Variants in MTUS1 observed in about 807,000 individuals in gnomAD.
MTUS1 encodes the protein microtubule-associated tumor suppressor 1.
Under a neutral mutation model 120.8 loss-of-function variants are expected in MTUS1, and 109 were observed. That is an observed-to-expected ratio of 0.90 (90% confidence interval 0.77 to 1.06). The LOEUF (loss-of-function observed/expected upper bound fraction) is 1.06, where lower values mean the gene tolerates loss of function less well. MTUS1 is among the 50% of genes least tolerant of loss of function. The probability of loss-of-function intolerance (pLI) is 0.00; values close to 1 mark genes in which losing one functional copy is unlikely to be tolerated. For synonymous variants in MTUS1, 737 were observed against 550.5 expected (o/e 1.34, Z -4.74); for missense variants, 2,210 against 1,486.3 (o/e 1.49, Z -8.01).
intron 6 of MTUS1, among the ~76,000 whole-genome samples, chr8:17,700,382 A>G (rs1818810204): frequency 7.0e-6 from 1 of 143,538 alleles, no homozygotes; most frequent in South Asian, 2.2e-4. Context: ...AGGCAGGAGA[A>G]CCGCTTGAAT....
At chr8:17,670,425 G>A (rs1351038702) in intron 8 of MTUS1, among the ~76,000 whole-genome samples, 1 of 152,146 alleles carries the variant, frequency 6.6e-6, no homozygotes, top group Admixed American at 6.5e-5. Flanking sequence ...GTGAACGTAT[G>A]GGACAGCCAC....
chr8:17,693,151 T>C (rs1025270262), intron 6 of MTUS1: 1 of 152,152 alleles, frequency 6.6e-6, no homozygotes, highest in African/African-American at 2.4e-5. Flanking sequence ...TAGCAAAGTC[T>C]TTTCCCTCCA....
At chr8:17,770,947 A>C (rs2049978513) in intron 1 of MTUS1, among the ~76,000 whole-genome samples, 1 of 152,202 alleles carries the variant, frequency 6.6e-6, no homozygotes, top group Non-Finnish European at 1.5e-5. Flanking sequence ...CTGCTTCTGG[A>C]TTAAAGAAAC....
chr8:17,703,381 C>T (rs572630874), intron 6 of MTUS1, among the ~76,000 whole-genome samples: 4 of 152,178 alleles, frequency 2.6e-5, no homozygotes, highest in South Asian at 2.1e-4. Context: ...CGCCTGTGAT[C>T]GCAGCACTTT....
At chr8:17,666,326 T>C (rs1160025176) in intron 8 of MTUS1, among the ~76,000 whole-genome samples, 2 of 151,936 alleles carry the variant, frequency 1.3e-5, no homozygotes, top group Non-Finnish European at 2.9e-5. Context: ...CTATTCATTC[T>C]GCCTCTTCTC....
chr8:17,655,141 G>T (rs1249820674), intron 9 of MTUS1: 1 of 157,788 alleles, frequency 6.3e-6, no homozygotes, highest in African/African-American at 2.4e-5. Context: ...TGACCACTCA[G>T]GCCCTAGCAT....
chr8:17,686,296 T>C (rs1227455202), intron 6 of MTUS1, among the ~76,000 whole-genome samples: 2 of 152,376 alleles, frequency 1.3e-5, no homozygotes, highest in East Asian at 3.8e-4. Flanking sequence ...TGATGTAATA[T>C]ATGACATACA....
At chr8:17,758,614 G>A (rs77676509) in intron 1 of MTUS1, among the ~76,000 whole-genome samples, 1 of 152,080 alleles carries the variant, frequency 6.6e-6, no homozygotes, top group Non-Finnish European at 1.5e-5. Context: ...TACATGCAGG[G>A]GATATAATTT....
chr8:17,645,789 C>G lies in MTUS1; in HGVS notation c.*137G>C. 2 of 1,156,112 alleles carry G rather than the reference C, an allele frequency of 1.7e-6. No individual in the cohort carries two copies. Among genetic ancestry groups the G allele is most frequent in the Non-Finnish European group, 2.3e-6 (2 of 869,744 alleles). The allele number at this position is 1,156,112 out of a possible 1,614,324, so 71.6% of individuals were successfully genotyped here. The stretch of plus-strand genomic sequence containing the variant: ...CCAGTCTCAGAAGCTGCGATTCCGC[C>G]GGTGGTGACGCTCCAGTTACCCTAC... On this transcript the variant is annotated 3_prime_UTR_variant, in exon 15 of 15. Transcript: ENST00000693296.
chr8:17,699,877 A>C (rs879758985), intron 6 of MTUS1, among the ~76,000 whole-genome samples: 5 of 152,306 alleles, frequency 3.3e-5, no homozygotes, highest in Admixed American at 1.3e-4. Context: ...CTGGATAAGC[A>C]ATTACTTTCA....
At chr8:17,683,051 T>C (rs1236476282) in intron 7 of MTUS1, among the ~76,000 whole-genome samples, 1 of 152,156 alleles carries the variant, frequency 6.6e-6, no homozygotes, top group African/African-American at 2.4e-5. Flanking sequence ...GGCAGACAGA[T>C]CACAGGGTCA....
Position 17,697,250 on chromosome 8 carries a change from G to T in MTUS1, c.2624-12708C>A, listed in dbSNP as rs375040264. ...CAACACTAAACAGAGATCTATGCGA[G>T]ACAGACCTGTGTGGAAAACAACAGT... On this transcript the variant is annotated intron_variant, in intron 6 of 14. Transcript: ENST00000693296. 29 of 1,613,026 alleles carry T rather than the reference G, an allele frequency of 1.8e-5. No individual in the cohort carries two copies. The African/African-American group carries it at 3.7e-4, about 21-fold the overall frequency.
intron 6 of MTUS1, among the ~76,000 whole-genome samples, chr8:17,686,776 T>C (rs189360584): frequency 1.2e-3 from 179 of 152,294 alleles, no homozygotes; most frequent in Non-Finnish European, 1.8e-3. Flanking sequence ...TATCACAGAA[T>C]ACATGTAATT....
chr8:17,786,891 T>A (rs970406042), intron 1 of MTUS1, among the ~76,000 whole-genome samples: 1 of 152,254 alleles, frequency 6.6e-6, no homozygotes, highest in Non-Finnish European at 1.5e-5. Context: ...GGATCCCTTA[T>A]GAACTCTTCC....
chr8:17,766,978 T>G (rs927068525), intron 1 of MTUS1, among the ~76,000 whole-genome samples: 2 of 152,104 alleles, frequency 1.3e-5, no homozygotes, highest in East Asian at 3.9e-4. Context: ...ATATGATCAG[T>G]ATATTTGAGA....
At chr8:17,712,670 C>G (rs192891974) in intron 6 of MTUS1, among the ~76,000 whole-genome samples, 1 of 152,104 alleles carries the variant, frequency 6.6e-6, no homozygotes. Context: ...GTCCATCCAT[C>G]CATCCATCCA....
chr8:17,767,786 G>C (rs1200233188), intron 1 of MTUS1, among the ~76,000 whole-genome samples: 1 of 151,326 alleles, frequency 6.6e-6, no homozygotes, highest in African/African-American at 2.4e-5. Context: ...TGAAGATAAA[G>C]AGCCAACGGT....
At chr8:17,766,271 G>A (rs994760874) in intron 1 of MTUS1, among the ~76,000 whole-genome samples, 2 of 152,170 alleles carry the variant, frequency 1.3e-5, no homozygotes, top group African/African-American at 4.8e-5. Flanking sequence ...GTAATTAAAT[G>A]TCTGCAGACC....
chr8:17,742,985 G>A (rs2047452938), intron 3 of MTUS1, among the ~76,000 whole-genome samples: 2 of 151,860 alleles, frequency 1.3e-5, no homozygotes, highest in African/African-American at 4.9e-5. Flanking sequence ...CCGTGACACA[G>A]GGATGACTTT....
Sources: allele counts gnomAD v4.1 joint callset (sites outside exome capture counted in the v4.1 genomes callset), GRCh38; gene constraint gnomAD v4.1.1; transcripts MANE v1.5; gene names NCBI Gene and HGNC (gene_info 2026-07-23, HGNC 2026-07-21).